SGCZ: variants seen among roughly 807,000 people sequenced by gnomAD.
SGCZ encodes zeta-sarcoglycan.
In SGCZ, 40 loss-of-function variants were observed where a neutral mutation model predicts 41.3. That is an observed-to-expected ratio of 0.97 (90% CI 0.75 to 1.26). The LOEUF is 1.26. Among genes scored for constraint, SGCZ ranks in the 50% most tolerant of loss-of-function variants. The pLI is 0.00. For missense variants in SGCZ, 552 were observed against 369.8 expected (o/e 1.49, Z -4.04); for synonymous variants, 206 against 137.5 (o/e 1.50, Z -3.49).
intron 1 of SGCZ, among the ~76,000 whole-genome samples, chr8:15,097,085 T>G (rs1272851850): frequency 2.0e-5 from 3 of 152,116 alleles, no homozygotes; most frequent in African/African-American, 7.2e-5. Context: ...TGAATAGGTG[T>G]GACTATAGAC....
intron 6 of SGCZ, among the ~76,000 whole-genome samples, chr8:14,106,007 A>C (rs1802191914): frequency 1.3e-5 from 2 of 152,008 alleles, no homozygotes; most frequent in Admixed American, 1.3e-4. Context: ...CTATATTAAA[A>C]CACAGATGAA....
chr8:14,875,491 A>G (rs17120449), intron 1 of SGCZ, among the ~76,000 whole-genome samples: 3,433 of 152,272 alleles, frequency 0.023, 46 homozygotes, highest in Middle Eastern at 0.044. Context: ...CAAGGTCTGA[A>G]AGCAGCGTCA....
At chr8:14,829,256 A>G (rs1802443846) in intron 1 of SGCZ, among the ~76,000 whole-genome samples, 1 of 119,314 alleles carries the variant, frequency 8.4e-6, no homozygotes, top group Non-Finnish European at 1.6e-5. Flanking sequence ...ATGTGTTCTC[A>G]ACATTTAGCT....
intron 4 of SGCZ, among the ~76,000 whole-genome samples, chr8:14,224,843 C>G (rs975087985): frequency 1.2e-4 from 18 of 152,148 alleles, no homozygotes; most frequent in African/African-American, 4.3e-4. Flanking sequence ...TTCAAAACTA[C>G]TTGCTCTTGT....
intron 3 of SGCZ, chr8:14,309,430 T>A: frequency 6.2e-7 from 1 of 1,606,640 alleles, no homozygotes; most frequent in Non-Finnish European, 8.5e-7. Context: ...TTCTGTGCCT[T>A]ATTGGACAAT....
chr8:14,531,350 C>G (rs1803124934), intron 2 of SGCZ, among the ~76,000 whole-genome samples: 1 of 151,918 alleles, frequency 6.6e-6, no homozygotes, highest in African/African-American at 2.4e-5. Flanking sequence ...TACTCATTCT[C>G]CAGTGTCTGC....
At position 14,903,963 on chromosome 8, in the gene SGCZ, T is replaced by C. The variant is rs17120538; in HGVS notation, c.39+333622A>G. ...AAGATACTTCTTTTCTCATGATTAGTAATATTTCGTAACAGGAAATTGTGG... is the reference window on the plus strand; with the variant it reads ...AAGATACTTCTTTTCTCATGATTAGCAATATTTCGTAACAGGAAATTGTGG... On this transcript the variant is annotated intron_variant, in intron 1 of 7. Coordinates refer to ENST00000382080, the MANE Select transcript of SGCZ (RefSeq NM_139167.4). Among the ~76,000 whole-genome samples, 1,351 of 152,136 alleles carry C rather than the reference T, an allele frequency of 8.9e-3. 15 individuals carry two copies. Among genetic ancestry groups the C allele is most frequent in the African/African-American group, 0.031 (1,273 of 41,538 alleles).
chr8:14,327,722 T>C (rs967149812), intron 2 of SGCZ, among the ~76,000 whole-genome samples: 3 of 152,354 alleles, frequency 2.0e-5, no homozygotes, highest in Admixed American at 6.5e-5. Flanking sequence ...ATTTCAGATA[T>C]ACCATCACAT....
rs765948109 is a variant in SGCZ at position 14,088,890 on chromosome 8, C to G, written c.*1553G>C. Reference sequence around the variant, plus strand: ...CTCTGAGCTGTAGACACCTGAACTCCAAAGACTCTACAGCCATTAATCCCC... The same window carrying G: ...CTCTGAGCTGTAGACACCTGAACTCGAAAGACTCTACAGCCATTAATCCCC... On this transcript the variant is annotated 3_prime_UTR_variant, in exon 8 of 8. Coordinates refer to ENST00000382080, the MANE Select transcript of SGCZ (RefSeq NM_139167.4). 6.6e-6 allele frequency among the ~76,000 whole-genome samples: 1 copy of G among 151,906 alleles called. No homozygotes were observed. Among genetic ancestry groups the G allele is most frequent in the Non-Finnish European group, 1.5e-5 (1 of 67,920 alleles).
intron 2 of SGCZ, among the ~76,000 whole-genome samples, chr8:14,384,467 T>C (rs891360877): frequency 1.6e-4 from 25 of 152,188 alleles, no homozygotes; most frequent in African/African-American, 5.8e-4. Flanking sequence ...GGTTTTAGAA[T>C]AGATTGAAAG....
At chr8:14,618,842 G>C (rs926179329) in intron 1 of SGCZ, among the ~76,000 whole-genome samples, 18 of 152,074 alleles carry the variant, frequency 1.2e-4, no homozygotes, top group Admixed American at 1.3e-4. Flanking sequence ...TGGGGAGTAA[G>C]CAGAAAAAGA....
chr8:14,107,723 C>T (rs956295031), intron 6 of SGCZ, among the ~76,000 whole-genome samples: 2 of 152,146 alleles, frequency 1.3e-5, no homozygotes, highest in Admixed American at 6.5e-5. Context: ...ACTGCAGCCA[C>T]GACCTCCTGG....
At chr8:14,244,730 G>C (rs1181392902) in intron 3 of SGCZ, among the ~76,000 whole-genome samples, 4 of 151,950 alleles carry the variant, frequency 2.6e-5, no homozygotes, top group East Asian at 3.9e-4. Flanking sequence ...CATGAGCATG[G>C]AATGTTCTTC....
At chr8:15,191,265 C>T (rs930094068) in intron 1 of SGCZ, among the ~76,000 whole-genome samples, 11 of 152,062 alleles carry the variant, frequency 7.2e-5, no homozygotes, top group African/African-American at 2.4e-4. Flanking sequence ...TCTAAATTTT[C>T]GCATGATCTA....
chr8:14,678,512 C>T (rs1808344222), intron 1 of SGCZ, among the ~76,000 whole-genome samples: 1 of 152,082 alleles, frequency 6.6e-6, no homozygotes, highest in Non-Finnish European at 1.5e-5. Context: ...ATTAAAATTG[C>T]CAAAACCATA....
intron 1 of SGCZ, among the ~76,000 whole-genome samples, chr8:15,197,033 C>G (rs181267463): frequency 1.3e-5 from 2 of 152,276 alleles, no homozygotes; most frequent in African/African-American, 4.8e-5. Context: ...TCTCTTTAAG[C>G]CAAGACTCAG....
chr8:14,332,685 A>T (rs1161385154), intron 2 of SGCZ: 1 of 151,772 alleles, frequency 6.6e-6, no homozygotes, highest in Non-Finnish European at 1.5e-5. Context: ...AATAAATCCA[A>T]TGAGACTACA....
chr8:14,787,565 C>T (rs1485668451), intron 1 of SGCZ, among the ~76,000 whole-genome samples: 4 of 151,930 alleles, frequency 2.6e-5, no homozygotes, highest in Non-Finnish European at 5.9e-5. Flanking sequence ...ATATTCCAGC[C>T]GGGCGGGATA....
intron 1 of SGCZ, among the ~76,000 whole-genome samples, chr8:15,086,063 G>T (rs971488218): frequency 9.2e-5 from 14 of 152,096 alleles, no homozygotes; most frequent in African/African-American, 3.4e-4. Flanking sequence ...AAATGTAATC[G>T]ATTTCCATGG....
Sources: gnomAD v4.1 joint callset for allele counts (sites outside exome capture counted in the v4.1 genomes callset) on GRCh38, gnomAD v4.1.1 for gene constraint, MANE v1.5 for transcripts, NCBI Gene and HGNC (gene_info 2026-07-23, HGNC 2026-07-21) for gene names.